HOXC6: variants seen among roughly 807,000 people sequenced by gnomAD.
The protein encoded by HOXC6 is homeobox protein Hox-C6.
In HOXC6, 10 loss-of-function variants were observed where a neutral mutation model predicts 24.0. The observed-to-expected ratio is 0.42, with a 90% CI of 0.26 to 0.71. The LOEUF (loss-of-function observed/expected upper bound fraction) is 0.71, where lower values mean the gene tolerates loss of function less well. Ranked by LOEUF, HOXC6 falls within the 30% of genes least tolerant of loss-of-function variation. HOXC6 has a pLI of 0.28. For missense variants in HOXC6, 258 were observed against 303.4 expected (o/e 0.85, Z 1.11); for synonymous variants, 123 against 128.1 (o/e 0.96, Z 0.27).
At chr12:54,019,361 G>A (rs1191364708) in intron 1 of HOXC6, among the ~76,000 whole-genome samples, 1 of 152,188 alleles carries the variant, frequency 6.6e-6, no homozygotes, top group African/African-American at 2.4e-5. Context: ...GATGCCCCGC[G>A]GATCCAGCCT....
At chr12:54,025,076 C>G (rs1940629347), upstream of HOXC6, among the ~76,000 whole-genome samples, 1 of 152,186 alleles carries the variant, frequency 6.6e-6, no homozygotes, top group Non-Finnish European at 1.5e-5. Flanking sequence ...AGAGCAGTAG[C>G]AAGGAGACCT....
upstream of HOXC6, among the ~76,000 whole-genome samples, chr12:54,027,945 T>C (rs1170777980): frequency 6.6e-6 from 1 of 152,214 alleles, no homozygotes; most frequent in Non-Finnish European, 1.5e-5. Context: ...AGTTTAGTGA[T>C]GGGACTCACT....
chr12:54,029,912 G>A lies in HOXC6; in HGVS notation c.658G>A (p.Gly220Arg). ...AGGGGCCACCGCCGACAGCCTGGGC[G>A]GAAAAGAGGAAAAGCGGGAAGAGAC... The part of the protein sequence containing the change: ...GGGATADSLG[G>R]KEEKREETEE... Residue 220 changes from glycine (G) to arginine (R), a missense_variant, in exon 2 of 2, where the codon GGA (glycine) becomes AGA (arginine). By Grantham distance (125) the Gly-to-Arg change is moderately radical. Transcript: ENST00000243108. 6.2e-7 allele frequency: 1 copy of A among 1,605,470 alleles called. No individual in the cohort carries two copies. Among genetic ancestry groups the A allele is most frequent in the Non-Finnish European group, 8.5e-7 (1 of 1,175,458 alleles).
chr12:54,022,587 T>G (rs1940500111), intron 1 of HOXC6: 1 of 152,032 alleles, frequency 6.6e-6, no homozygotes, highest in African/African-American at 2.4e-5. Context: ...ATAAAATTAT[T>G]TATAGGGAAA....
chr12:54,027,748 C>T (rs1159048201), upstream of HOXC6, among the ~76,000 whole-genome samples: 1 of 152,160 alleles, frequency 6.6e-6, no homozygotes, highest in African/African-American at 2.4e-5. Context: ...AGAGCAGATG[C>T]GTGGCCCATT....
intron 1 of HOXC6, among the ~76,000 whole-genome samples, chr12:54,023,265 T>A (rs1258014594): frequency 6.6e-6 from 1 of 152,220 alleles, no homozygotes; most frequent in African/African-American, 2.4e-5. Flanking sequence ...GGGGTAGAGA[T>A]GTTTGGGACC....
At chr12:54,017,685 A>C (rs1186780401) in intron 1 of HOXC6, among the ~76,000 whole-genome samples, 4 of 152,064 alleles carry the variant, frequency 2.6e-5, no homozygotes, top group Non-Finnish European at 5.9e-5. Flanking sequence ...TGTGGGGCTC[A>C]AGCCGGCGGT....
At chr12:54,027,015 C>G (rs1355582626), upstream of HOXC6, among the ~76,000 whole-genome samples, 3 of 152,022 alleles carry the variant, frequency 2.0e-5, no homozygotes, top group Non-Finnish European at 4.4e-5. Flanking sequence ...TCCCCACCAC[C>G]CTTCTTTGTC....
chr12:54,021,651 A>G (rs905783101), intron 1 of HOXC6: 1 of 151,996 alleles, frequency 6.6e-6, no homozygotes, highest in African/African-American at 2.4e-5. Flanking sequence ...GCTTTCTTCC[A>G]CCTTCCTCCC....
At chr12:54,023,475 C>A (rs746423), upstream of HOXC6, among the ~76,000 whole-genome samples, 3 of 152,082 alleles carry the variant, frequency 2.0e-5, no homozygotes, top group African/African-American at 7.2e-5. Flanking sequence ...CTTTCTTCTC[C>A]GTTTAATTGT....
upstream of HOXC6, among the ~76,000 whole-genome samples, chr12:54,027,920 G>A (rs1940797123): frequency 6.6e-6 from 1 of 151,500 alleles, no homozygotes; most frequent in Non-Finnish European, 1.5e-5. Context: ...TTTAATTATT[G>A]GTGAAAAAAA....
chr12:54,021,547 A>T (rs1203526672), intron 1 of HOXC6: 2 of 152,394 alleles, frequency 1.3e-5, no homozygotes, highest in East Asian at 3.9e-4. Context: ...AGCAGGGACC[A>T]GAGCGGGGCT....
At position 54,030,131 on chromosome 12, in the gene HOXC6, C is replaced by G; in HGVS notation, c.*169C>G. ...TGAAAGTCAGCTCTGGACCCCCTCC[C>G]TCACCGCACAACTCTCTTTCACCAC... On this transcript the variant is annotated 3_prime_UTR_variant, in exon 2 of 2. Coordinates refer to ENST00000243108, the MANE Select transcript of HOXC6 (RefSeq NM_004503.4). 2 of 624,424 alleles carry G rather than the reference C, an allele frequency of 3.2e-6. No homozygotes were observed. Among genetic ancestry groups the G allele is most frequent in the South Asian group, 4.8e-5 (2 of 41,784 alleles). 38.7% of individuals were successfully genotyped at this position (624,424 alleles called of 1,614,324 possible). A position where few individuals can be genotyped will look rare whatever the true frequency, so the allele number is the denominator to read the frequency against.
At position 54,030,019 on chromosome 12, in the gene HOXC6, C is replaced by T; in HGVS notation, c.*57C>T. ...TTCTCCCTCGCTCCCCACCAACTCT[C>T]CCCTAATCACACACTCTGTATTTAT... On this transcript the variant is annotated 3_prime_UTR_variant, in exon 2 of 2. Transcript: ENST00000243108. The T allele has an allele frequency of 7.2e-7, 1 of 1,391,094 alleles. No individual in the cohort carries two copies. Among genetic ancestry groups the T allele is most frequent in the Non-Finnish European group, 9.6e-7 (1 of 1,039,234 alleles). 86.2% of individuals were successfully genotyped at this position (1,391,094 alleles called of 1,614,324 possible).
chr12:54,026,801 G>A (rs969543683), upstream of HOXC6, among the ~76,000 whole-genome samples: 9 of 152,298 alleles, frequency 5.9e-5, no homozygotes, highest in African/African-American at 2.2e-4. Flanking sequence ...CGTTACAGAA[G>A]ATGAATAAAC....
At chr12:54,023,400 G>T (rs186396434) in intron 1 of HOXC6, among the ~76,000 whole-genome samples, 2 of 152,338 alleles carry the variant, frequency 1.3e-5, no homozygotes, top group East Asian at 3.9e-4. Context: ...AGGTCAGGCA[G>T]AAATCTGGAA....
intron 1 of HOXC6, among the ~76,000 whole-genome samples, chr12:54,018,556 C>T (rs1182189900): frequency 6.6e-6 from 1 of 152,220 alleles, no homozygotes; most frequent in African/African-American, 2.4e-5. Flanking sequence ...TAGTCTTAAC[C>T]CGACGCATAT....
In HOXC6 at chr12:54,029,154, G is replaced by A. The variant is rs185812647; in HGVS notation, c.400+233G>A. ...TTGGAGGGCCCCAAGGCGGGCTGAG[G>A]GGGCAGGAACAGGGCAGGGGATGAG... is the stretch of plus-strand genomic sequence containing the variant. On this transcript the variant is annotated intron_variant, in intron 1 of 1. Coordinates refer to ENST00000243108, the MANE Select transcript of HOXC6 (RefSeq NM_004503.4). Among the ~76,000 whole-genome samples, 944 of 152,286 alleles carry A rather than the reference G, an allele frequency of 6.2e-3. 3 individuals carry two copies. Among genetic ancestry groups the A allele is most frequent in the Non-Finnish European group, 0.01 (697 of 68,008 alleles).
Position 54,030,458 on chromosome 12 carries a change from A to T in HOXC6, c.*496A>T, listed in dbSNP as rs1365357433. The T allele has an allele frequency of 6.5e-6, 1 of 153,028 alleles. No individual in the cohort carries two copies. Among genetic ancestry groups the T allele is most frequent in the Non-Finnish European group, 1.5e-5 (1 of 68,356 alleles). The allele number at this position is 153,028 out of a possible 1,614,324, so 9.5% of individuals were successfully genotyped here. A position where few individuals can be genotyped will look rare whatever the true frequency, so the allele number is the denominator to read the frequency against. ...ACACCAACCCCCAGGGCCTCCCCGCAGTCCCTGCCTAGCCCCTCTGCCCCA... is the reference window on the plus strand; with the variant it reads ...ACACCAACCCCCAGGGCCTCCCCGCTGTCCCTGCCTAGCCCCTCTGCCCCA... On this transcript the variant is annotated 3_prime_UTR_variant, in exon 2 of 2. Transcript: ENST00000243108.
Sources: gnomAD v4.1 joint callset for allele counts (sites outside exome capture counted in the v4.1 genomes callset) on GRCh38, gnomAD v4.1.1 for gene constraint, MANE v1.5 for transcripts, NCBI Gene and HGNC (gene_info 2026-07-23, HGNC 2026-07-21) for gene names.